The following GLP2R variants were observed in gnomAD, a reference collection of about 807,000 sequenced individuals.
GLP2R encodes the protein glucagon like peptide 2 receptor.
GLP2R carries 59 observed loss-of-function variants against 68.2 expected under a neutral mutation model. The observed-to-expected ratio is 0.87, with a 90% CI of 0.70 to 1.07. The LOEUF is 1.07. GLP2R is among the 50% of genes least tolerant of loss of function. The probability of loss-of-function intolerance (pLI) is 0.00; values close to 1 mark genes in which losing one functional copy is unlikely to be tolerated. For missense variants in GLP2R, 548 were observed against 677.4 expected (o/e 0.81, Z 2.12); for synonymous variants, 270 against 265.4 (o/e 1.02, Z -0.17).
intron 9 of GLP2R, among the ~76,000 whole-genome samples, chr17:9,870,115 GT>G (rs2067079101): frequency 1.3e-5 from 2 of 152,140 alleles, no homozygotes; most frequent in African/African-American, 4.8e-5. Context: ...GCAGAATAGC[GT>G]TCTGTTTAAG....
At chr17:9,849,054 T>G (rs967923453) in intron 4 of GLP2R, among the ~76,000 whole-genome samples, 1 of 151,856 alleles carries the variant, frequency 6.6e-6, no homozygotes, top group African/African-American at 2.4e-5. Flanking sequence ...TTCATATATC[T>G]GTATATAATT....
At chr17:9,873,141 T>C (rs1008773706) in intron 10 of GLP2R, among the ~76,000 whole-genome samples, 1 of 152,172 alleles carries the variant, frequency 6.6e-6, no homozygotes, top group Non-Finnish European at 1.5e-5. Flanking sequence ...TAGTCCACCC[T>C]GCTGGGTGCA....
At chr17:9,836,312 A>T in intron 2 of GLP2R, 59 bp from the exon 3 acceptor site, 1 of 1,148,656 alleles carries the variant, frequency 8.7e-7, no homozygotes, top group Non-Finnish European at 1.3e-6. Flanking sequence ...CTCTGCCTCC[A>T]TCAGTGGCAT....
chr17:9,874,256 C>A (rs1307963004), intron 10 of GLP2R, among the ~76,000 whole-genome samples: 1 of 152,118 alleles, frequency 6.6e-6, no homozygotes, highest in Non-Finnish European at 1.5e-5. Flanking sequence ...GAGCGATGAT[C>A]CAGGGTGACT....
At chr17:9,862,607 A>G (rs1404527521) in intron 9 of GLP2R, among the ~76,000 whole-genome samples, 1 of 152,186 alleles carries the variant, frequency 6.6e-6, no homozygotes, top group Non-Finnish European at 1.5e-5. Flanking sequence ...GGTCCAGAAT[A>G]TTTGGAATGG....
chr17:9,826,326 TCA>T (rs1491012599), intron 1 of GLP2R, 74 bp downstream of exon 1: 1 of 1,009,002 alleles, frequency 9.9e-7, no homozygotes, highest in African/African-American at 1.7e-5. Context: ...AATTTAGGCC[TCA>T]TGTAAGCAAT....
chr17:9,873,054 A>G (rs1198102510), intron 10 of GLP2R, among the ~76,000 whole-genome samples: 2 of 152,180 alleles, frequency 1.3e-5, no homozygotes, highest in African/African-American at 4.8e-5. Flanking sequence ...CAAGTGGCCA[A>G]GCAGTCTCTC....
intron 5 of GLP2R, among the ~76,000 whole-genome samples, chr17:9,855,485 A>G (rs1250109898): frequency 6.6e-6 from 1 of 152,162 alleles, no homozygotes; most frequent in Non-Finnish European, 1.5e-5. Flanking sequence ...CTACAACTCA[A>G]TCAGAGGCAT....
In GLP2R at chr17:9,854,494, G is replaced by A; in HGVS notation, c.505-1G>A. The A allele has an allele frequency of 6.3e-7, 1 of 1,585,200 alleles. No homozygotes were observed. The highest frequency in any genetic ancestry group is 1.7e-5 in the Admixed American group (1 of 59,994). On this transcript the variant is annotated splice_acceptor_variant, in intron 4 of 12. Coordinates refer to ENST00000262441, the MANE Select transcript of GLP2R (RefSeq NM_004246.3). LOFTEE classifies it high-confidence loss of function. ...CATGTCTGCTCTTCCTCTGTGTTCA[G>A]GTGGATCGTTATGCCTTGCTGTCAA... is the stretch of plus-strand genomic sequence containing the variant.
chr17:9,841,183 ATTTTTTT>A (rs139792270), intron 3 of GLP2R, among the ~76,000 whole-genome samples: 2 of 144,364 alleles, frequency 1.4e-5, no homozygotes, highest in African/African-American at 5.2e-5. Flanking sequence ...TGCCTAGCTA[ATTTTTTT>A]TTTTTTTTTG....
chr17:9,835,969 G>T (rs2066726000), intron 2 of GLP2R, among the ~76,000 whole-genome samples: 1 of 150,034 alleles, frequency 6.7e-6, no homozygotes, highest in African/African-American at 2.5e-5. Context: ...AGCCTGGGAC[G>T]TGGAGGTTGC....
intron 2 of GLP2R, among the ~76,000 whole-genome samples, chr17:9,835,942 G>A (rs1193598071): frequency 1.3e-5 from 2 of 151,280 alleles, no homozygotes; most frequent in East Asian, 3.9e-4. Context: ...GGGAGGCTGA[G>A]GCAGGAGAGT....
At chr17:9,832,200 G>A (rs1213535339) in intron 1 of GLP2R, among the ~76,000 whole-genome samples, 2 of 152,112 alleles carry the variant, frequency 1.3e-5, no homozygotes, top group Non-Finnish European at 2.9e-5. Context: ...CACTTTGAGA[G>A]GCCAAGGCAG....
intron 9 of GLP2R, among the ~76,000 whole-genome samples, chr17:9,863,764 C>T (rs1379851356): frequency 6.6e-6 from 1 of 152,218 alleles, no homozygotes. Context: ...TTCCCAGATC[C>T]TGTGCAGGCT....
chr17:9,872,833 T>C (rs2152044829), intron 10 of GLP2R, among the ~76,000 whole-genome samples: 1 of 152,298 alleles, frequency 6.6e-6, no homozygotes, highest in East Asian at 1.9e-4. Flanking sequence ...AGTCTGTAGA[T>C]ATGGTTATAA....
At chr17:9,868,903 G>T (rs763442537) in intron 9 of GLP2R, among the ~76,000 whole-genome samples, 14 of 152,132 alleles carry the variant, frequency 9.2e-5, no homozygotes, top group Non-Finnish European at 1.8e-4. Context: ...AAATCACTAA[G>T]CCAAGGACAC....
chr17:9,833,727 T>G, intron 1 of GLP2R, 80 bp from the exon 2 acceptor site: 3 of 817,186 alleles, frequency 3.7e-6, no homozygotes, highest in Non-Finnish European at 6.1e-6. Flanking sequence ...GTGGGAAGGT[T>G]GGAGAATCAT....
At chr17:9,828,372 G>C (rs2066651464) in intron 1 of GLP2R, among the ~76,000 whole-genome samples, 1 of 152,230 alleles carries the variant, frequency 6.6e-6, no homozygotes, top group Admixed American at 6.5e-5. Flanking sequence ...GGTTGGTTCA[G>C]AACATTCATC....
intron 4 of GLP2R, among the ~76,000 whole-genome samples, chr17:9,849,799 G>A (rs2066875665): frequency 6.6e-6 from 1 of 151,792 alleles, no homozygotes; most frequent in Non-Finnish European, 1.5e-5. Context: ...ATTTTTAGTA[G>A]AGACAGTGTT....
Sources: allele counts gnomAD v4.1 joint callset (sites outside exome capture counted in the v4.1 genomes callset), GRCh38; gene constraint gnomAD v4.1.1; transcripts MANE v1.5; gene names NCBI Gene and HGNC (gene_info 2026-07-23, HGNC 2026-07-21).